The following SEMA3A variants were observed in gnomAD, a reference collection of about 807,000 sequenced individuals.
SEMA3A encodes semaphorin 3A.
SEMA3A carries 29 observed loss-of-function variants against 97.9 expected under a neutral mutation model. The observed-to-expected ratio is 0.30, with a 90% CI of 0.22 to 0.40. The LOEUF (loss-of-function observed/expected upper bound fraction) is 0.40. SEMA3A is among the 10% of genes least tolerant of loss of function. The probability of loss-of-function intolerance (pLI) is 1.00; values close to 1 mark genes in which losing one functional copy is unlikely to be tolerated. For synonymous variants in SEMA3A, 321 were observed against 323.7 expected (o/e 0.99, Z 0.09); for missense variants, 763 against 951.3 (o/e 0.80, Z 2.60).
In SEMA3A at chr7:84,099,071, T is replaced by C. The variant is rs1228097446; in HGVS notation, c.453+11399A>G. On this transcript the variant is annotated intron_variant, in intron 4 of 16. Transcript: ENST00000265362. The stretch of plus-strand genomic sequence containing the variant: ...TAATCAGGAATTACATTTTCTTTTT[T>C]TTTCTTTTTTTTTTTTTGAGACGGA... Among the ~76,000 whole-genome samples the C allele has an allele frequency of 1.0e-4, 5 of 49,428 alleles. 1 individual carries two copies. The highest frequency in any genetic ancestry group is 6.2e-4 in the Admixed American group (2 of 3,240). 32.4% of individuals were successfully genotyped at this position (49,428 alleles called of 152,430 possible).
rs547349573 is a variant in SEMA3A, at chr7:84,482,403, T to C, written c.-246+10057A>G. Among the ~76,000 whole-genome samples the C allele has an allele frequency of 5.2e-4, 79 of 152,366 alleles. 1 individual carries two copies. Among genetic ancestry groups the C allele is most frequent in the Middle Eastern group, 3.4e-3 (1 of 294 alleles). ...CATTCAACATATATTTAGTGTTCATTAATGAAATATTATTCTTTTGAATTT... is the reference window on the plus strand; with the variant it reads ...CATTCAACATATATTTAGTGTTCATCAATGAAATATTATTCTTTTGAATTT... On this transcript the variant is annotated intron_variant, in intron 1 of 3. Coordinates refer to the SEMA3A transcript ENST00000424555.
intron 6 of SEMA3A, among the ~76,000 whole-genome samples, chr7:84,035,155 A>G (rs1791895613): frequency 6.6e-6 from 1 of 152,124 alleles, no homozygotes; most frequent in Non-Finnish European, 1.5e-5. Context: ...AGTTAAAAAC[A>G]ACAAAGAAAA....
chr7:84,283,157 G>A (rs1800490682), intron 3 of SEMA3A, among the ~76,000 whole-genome samples: 1 of 152,018 alleles, frequency 6.6e-6, no homozygotes, highest in African/African-American at 2.4e-5. Context: ...GTTACGAACA[G>A]TAAGAGGAAG....
intron 1 of SEMA3A, among the ~76,000 whole-genome samples, chr7:84,173,649 C>T (rs566751701): frequency 2.6e-5 from 4 of 151,250 alleles, no homozygotes; most frequent in Non-Finnish European, 5.9e-5. Flanking sequence ...TACATTTCTA[C>T]ATAATGGAGA....
chr7:84,336,044 C>T (rs1476044883), intron 2 of SEMA3A, among the ~76,000 whole-genome samples: 4 of 151,976 alleles, frequency 2.6e-5, no homozygotes, highest in Non-Finnish European at 5.9e-5. Context: ...CAAGACAGGT[C>T]TAGAGTGTAG....
intron 13 of SEMA3A, among the ~76,000 whole-genome samples, chr7:83,984,401 GAT>G (rs1183651291): frequency 1.3e-5 from 2 of 152,014 alleles, no homozygotes; most frequent in Non-Finnish European, 2.9e-5. Context: ...GATCTATTTT[GAT>G]ATGTCTGTGT....
intron 5 of SEMA3A, among the ~76,000 whole-genome samples, chr7:84,052,598 C>A (rs901497088): frequency 6.6e-6 from 1 of 151,944 alleles, no homozygotes; most frequent in Non-Finnish European, 1.5e-5. Flanking sequence ...TGATTCTTCT[C>A]TCTTTTTTTC....
At chr7:84,100,304 A>G (rs1794920897) in intron 4 of SEMA3A, among the ~76,000 whole-genome samples, 1 of 152,108 alleles carries the variant, frequency 6.6e-6, no homozygotes, top group African/African-American at 2.4e-5. Flanking sequence ...ACCAGAACTA[A>G]TCATTTTACT....
At chr7:84,038,683 G>A (rs77285383) in intron 6 of SEMA3A, among the ~76,000 whole-genome samples, 2 of 152,154 alleles carry the variant, frequency 1.3e-5, no homozygotes, top group African/African-American at 4.8e-5. Context: ...GATGTAGCAG[G>A]AGAGTCATAA....
chr7:84,024,927 A>G (rs576300523), intron 6 of SEMA3A, among the ~76,000 whole-genome samples: 10 of 152,040 alleles, frequency 6.6e-5, no homozygotes, highest in Non-Finnish European at 1.5e-4. Flanking sequence ...GTCTCTACTA[A>G]AACACAAAAA....
chr7:84,165,499 A>T (rs115208609), intron 1 of SEMA3A, among the ~76,000 whole-genome samples: 1,890 of 151,668 alleles, frequency 0.012, 52 homozygotes, highest in African/African-American at 0.043. Flanking sequence ...GAAAAAAAAA[A>T]TATTACATAT....
At chr7:84,103,871 T>G (rs1583972608) in intron 4 of SEMA3A, among the ~76,000 whole-genome samples, 1 of 152,158 alleles carries the variant, frequency 6.6e-6, no homozygotes, top group South Asian at 2.1e-4. Flanking sequence ...TTCATGTTTT[T>G]GTAAATTTAA....
intron 15 of SEMA3A, among the ~76,000 whole-genome samples, chr7:83,972,166 T>G (rs1788947227): frequency 6.6e-6 from 1 of 151,954 alleles, no homozygotes. Context: ...TCATAAATAT[T>G]TTTTGCAGTA....
At chr7:84,224,960 C>A (rs568510223) in intron 3 of SEMA3A, among the ~76,000 whole-genome samples, 4 of 151,884 alleles carry the variant, frequency 2.6e-5, no homozygotes, top group African/African-American at 4.8e-5. Flanking sequence ...TATAGCCCCC[C>A]CTAGTATATG....
intron 1 of SEMA3A, chr7:84,372,363 C>T (rs1017202253): frequency 1.3e-5 from 2 of 152,078 alleles, no homozygotes; most frequent in African/African-American, 4.8e-5. Flanking sequence ...GGTTACAGAG[C>T]AACCAAGCTA....
chr7:84,438,524 T>A (rs1159393867), intron 1 of SEMA3A, among the ~76,000 whole-genome samples: 1 of 152,132 alleles, frequency 6.6e-6, no homozygotes, highest in Non-Finnish European at 1.5e-5. Flanking sequence ...ATAACATTTC[T>A]CTAGGCAGGA....
At chr7:84,148,336 G>T (rs1406697367) in intron 1 of SEMA3A, among the ~76,000 whole-genome samples, 3 of 152,006 alleles carry the variant, frequency 2.0e-5, no homozygotes, top group East Asian at 3.9e-4. Flanking sequence ...GATTATAAAG[G>T]CTTCCCCATA....
At chr7:84,285,508 A>T (rs1050108664) in intron 3 of SEMA3A, among the ~76,000 whole-genome samples, 3 of 152,198 alleles carry the variant, frequency 2.0e-5, no homozygotes, top group East Asian at 1.9e-4. Flanking sequence ...TAAATATTAC[A>T]ATGTAAAGGC....
chr7:84,246,302 C>A (rs1396476057), intron 3 of SEMA3A, among the ~76,000 whole-genome samples: 1 of 152,116 alleles, frequency 6.6e-6, no homozygotes. Flanking sequence ...ACAGCTGCGC[C>A]AGAAAATTAA....
Sources: allele counts gnomAD v4.1 joint callset (sites outside exome capture counted in the v4.1 genomes callset), GRCh38; gene constraint gnomAD v4.1.1; transcripts MANE v1.5; gene names NCBI Gene and HGNC (gene_info 2026-07-23, HGNC 2026-07-21).